The following ARHGAP36 variants were observed in gnomAD, a reference collection of about 807,000 sequenced individuals.
The protein encoded by ARHGAP36 is rho GTPase-activating protein 36.
ARHGAP36 carries 7 observed loss-of-function variants against 32.9 expected under a neutral mutation model. The observed-to-expected ratio is 0.21, with a 90% confidence interval of 0.12 to 0.40. ARHGAP36 has a LOEUF of 0.40. Ranked by LOEUF, ARHGAP36 falls within the 10% of genes least tolerant of loss-of-function variation. The pLI, the probability that ARHGAP36 is intolerant of heterozygous loss-of-function variation, is 1.00. For synonymous variants in ARHGAP36, 165 were observed against 168.3 expected, an observed-to-expected ratio of 0.98 and a Z score of 0.15; for missense variants, 383 against 442.2, an observed-to-expected ratio of 0.87 and a Z score of 1.20.
chrX:131,059,102 G>T (rs2079655588), intron 1 of ARHGAP36, among the ~76,000 whole-genome samples: 1 of 111,877 alleles, frequency 8.9e-6, no homozygotes, highest in African/African-American at 3.3e-5. Context: ...GGGTACTTGA[G>T]ATCAATGCTT....
rs186499879 is a variant in ARHGAP36 at position 131,067,707 on chromosome X, C to T, written c.-143+9263C>T. Among the ~76,000 whole-genome samples the T allele has an allele frequency of 3.6e-3, 405 of 111,991 alleles. 3 individuals are homozygous for T. The highest frequency in any genetic ancestry group is 0.012 in the African/African-American group (384 of 30,769). ...CACACACAACCCCTTCATCCAAGCA[C>T]GTAAGCTGACCACATGCGTCCACAC... On this transcript the variant is annotated intron_variant, in intron 1 of 11. Coordinates refer to ENST00000276211, the MANE Select transcript of ARHGAP36 (RefSeq NM_144967.4).
Position 131,081,757 on chromosome X carries a change from T to A in ARHGAP36, c.92T>A (p.Leu31Ter), listed in dbSNP as rs1375381202. 1 of 1,212,111 alleles carries A rather than the reference T, an allele frequency of 8.3e-7. No homozygotes were observed. Among genetic ancestry groups the A allele is most frequent in the East Asian group, 3.0e-5 (1 of 33,837 alleles). The change falls in exon 2 of 12, where the codon TTA becomes TAA. Residue 31 changes from leucine to a stop codon, truncating the protein, a stop_gained. Transcript: ENST00000276211. LOFTEE classifies it high-confidence loss of function. ...CTGTTGTTGTCCGCCTTCATTTTTT[T>A]AGTGAGTGTCTTGGGAGGAGCCCCA... ...PLLLLSAFIF[L>*]VSVLGGAPGH...
intron 1 of ARHGAP36, among the ~76,000 whole-genome samples, chrX:131,077,947 T>A (rs1009968640): frequency 9.1e-6 from 1 of 110,219 alleles, no homozygotes; most frequent in Non-Finnish European, 1.9e-5. Flanking sequence ...ATGTTTTTTT[T>A]AAATACTTGA....
At position 131,084,247 on chromosome X, in the gene ARHGAP36, G is replaced by A. The variant is rs748003647; in HGVS notation, c.588G>A (p.Leu196=). The A allele has an allele frequency of 3.3e-6, 4 of 1,209,258 alleles. No individual in the cohort carries two copies. The highest frequency in any genetic ancestry group is 4.5e-6 in the Non-Finnish European group (4 of 894,567). Residue 196 remains leucine, a synonymous_variant, in exon 5 of 12, where the codon CTG becomes CTA. Transcript: ENST00000276211. ...TGTCTGTGGATAGTCTGGCTGAGCT[G>A]GAAGACGGAGCCCTGCTGCTGCAGA... The part of the protein sequence containing the change: ...GAVSVDSLAE[L]EDGALLLQTL...
intron 6 of ARHGAP36, 94 bp downstream of exon 6, chrX:131,084,775 G>A: frequency 1.3e-5 from 15 of 1,163,987 alleles, no homozygotes; most frequent in Non-Finnish European, 1.6e-5. Context: ...GGTGGGGGGA[G>A]GAGCAGGGTC....
chrX:131,083,516 C>A, intron 3 of ARHGAP36, among the ~76,000 whole-genome samples: 1 of 111,947 alleles, frequency 8.9e-6, no homozygotes, highest in Non-Finnish European at 1.9e-5. Context: ...AAGGCAGGGA[C>A]CTCGAGCCTC....
chrX:131,072,137 C>T (rs2079736084), intron 1 of ARHGAP36, among the ~76,000 whole-genome samples: 2 of 109,778 alleles, frequency 1.8e-5, no homozygotes, highest in South Asian at 4.0e-4. Flanking sequence ...CTCTAAGTGC[C>T]TAGATATGCA....
At chrX:131,082,048 T>A in intron 2 of ARHGAP36, 130 bp downstream of exon 2, 3 of 847,769 alleles carry the variant, frequency 3.5e-6, no homozygotes, top group Non-Finnish European at 4.9e-6. Context: ...TCAGTTCTCC[T>A]GGCGTCTGGG....
intron 2 of ARHGAP36, 68 bp downstream of exon 2, chrX:131,081,986 G>A (rs1459987043): frequency 5.2e-6 from 6 of 1,144,371 alleles, no homozygotes; most frequent in Admixed American, 4.6e-5. Context: ...AGGACGGGGC[G>A]GATTAGGGGT....
Position 131,084,374 on chromosome X carries a change from G to A in ARHGAP36, c.715G>A (p.Val239Ile), listed in dbSNP as rs2079822985. ...GATTGCGAAACAAATCCCCCAGGTT[G>A]TTGAGGCTTGCTGCCAATTCATTGA... ...NPIAKQIPQV[V>I]EACCQFIEKH... Residue 239 changes from valine (V) to isoleucine (I), a missense_variant, in exon 5 of 12, where the codon GTT (valine) becomes ATT (isoleucine). Transcript: ENST00000276211. 8.3e-7 allele frequency: 1 copy of A among 1,208,915 alleles called. No homozygotes were observed. The highest frequency in any genetic ancestry group is 1.1e-6 in the Non-Finnish European group (1 of 894,527).
intron 1 of ARHGAP36, chrX:131,072,880 G>C (rs941385898): frequency 2.7e-5 from 3 of 112,351 alleles, no homozygotes; most frequent in Non-Finnish European, 5.6e-5. Context: ...CCAGAGAGTA[G>C]GGGAATCTGA....
chrX:131,063,041 A>T (rs2148635255), intron 1 of ARHGAP36, among the ~76,000 whole-genome samples: 1 of 112,361 alleles, frequency 8.9e-6, no homozygotes, highest in East Asian at 2.8e-4. Flanking sequence ...GACTTATTTG[A>T]TTATCTATAA....
chrX:131,084,508 G>A, intron 5 of ARHGAP36, 101 bp downstream of exon 5: 1 of 1,135,246 alleles, frequency 8.8e-7, no homozygotes, highest in Non-Finnish European at 1.2e-6. Flanking sequence ...GAAGGGCTTG[G>A]ATAACATTCC....
chrX:131,058,523 C>G, intron 1 of ARHGAP36, 79 bp downstream of exon 1: 5 of 902,336 alleles, frequency 5.5e-6, no homozygotes, highest in Non-Finnish European at 7.1e-6. Context: ...TCTGGGCGCC[C>G]TGGGGCTTGG....
At chrX:131,079,577 G>A (rs1486184695) in intron 1 of ARHGAP36, among the ~76,000 whole-genome samples, 1 of 80,644 alleles carries the variant, frequency 1.2e-5, no homozygotes, top group Non-Finnish European at 2.6e-5. Flanking sequence ...TTTTTTTTTG[G>A]ACAGAAGGTA....
intron 1 of ARHGAP36, among the ~76,000 whole-genome samples, chrX:131,062,109 T>C (rs971931484): frequency 1.8e-5 from 2 of 112,435 alleles, no homozygotes; most frequent in Non-Finnish European, 3.7e-5. Context: ...AATTCTGTGA[T>C]ATATCCCCTT....
chrX:131,084,310 A>G lies in ARHGAP36; in HGVS notation c.651A>G (p.Gln217=), dbSNP rs948726991. 1.4e-5 allele frequency: 17 copies of G among 1,210,120 alleles called. No homozygotes were observed. The highest frequency in any genetic ancestry group is 1.8e-5 in the Non-Finnish European group (16 of 895,182). The change falls in exon 5 of 12, where the codon CAA becomes CAG. Residue 217 remains glutamine (Q), a synonymous_variant. Coordinates refer to ENST00000276211, the MANE Select transcript of ARHGAP36 (RefSeq NM_144967.4). ...CAAAAATTTCCTTTCCAATTGGCCA[A>G]CGACTTCTGGGATCCAAAAGGAAGA... The part of the protein sequence containing the change: ...QLSKISFPIG[Q]RLLGSKRKMS...
intron 11 of ARHGAP36, 148 bp downstream of exon 11, chrX:131,086,813 A>G (rs1242917073): frequency 2.2e-6 from 1 of 464,417 alleles, no homozygotes; most frequent in Non-Finnish European, 3.6e-6. Context: ...GTATTTGAAT[A>G]TCTTAATCAA....
intron 1 of ARHGAP36, among the ~76,000 whole-genome samples, chrX:131,071,020 A>G (rs1015181386): frequency 1.8e-5 from 2 of 110,797 alleles, no homozygotes; most frequent in African/African-American, 6.6e-5. Context: ...GTCACCAGAA[A>G]GACGTACTCC....
Sources: allele counts gnomAD v4.1 joint callset (sites outside exome capture counted in the v4.1 genomes callset), GRCh38; gene constraint gnomAD v4.1.1; transcripts MANE v1.5; gene names NCBI Gene and HGNC (gene_info 2026-07-23, HGNC 2026-07-21).